The following SCFD2 variants were observed in gnomAD, a reference collection of about 807,000 sequenced individuals.
The protein encoded by SCFD2 is sec1 family domain-containing protein 2.
In SCFD2, 54 loss-of-function variants were observed where a neutral mutation model predicts 58.9. The observed-to-expected ratio is 0.92, with a 90% CI of 0.74 to 1.15. SCFD2 has a LOEUF of 1.15. Ranked by LOEUF, SCFD2 falls within the 50% of genes most tolerant of loss-of-function variation. The pLI is 0.00. For missense variants in SCFD2, 805 were observed against 836.6 expected (o/e 0.96, Z 0.47); for synonymous variants, 321 against 335.9 (o/e 0.96, Z 0.49).
intron 5 of SCFD2, among the ~76,000 whole-genome samples, chr4:53,126,936 C>T (rs2001881): frequency 0.079 from 12,051 of 152,026 alleles, 683 homozygotes; most frequent in East Asian, 0.24. Context: ...TTTTGCATTC[C>T]ATGTGTTGGC....
At chr4:53,181,538 C>A (rs375340779) in intron 4 of SCFD2, among the ~76,000 whole-genome samples, 2 of 152,162 alleles carry the variant, frequency 1.3e-5, no homozygotes, top group African/African-American at 2.4e-5. Flanking sequence ...AACAAACCCA[C>A]AGCCAATATC....
chr4:53,243,702 AAAAG>A (rs1225020879), intron 4 of SCFD2, among the ~76,000 whole-genome samples: 2 of 152,110 alleles, frequency 1.3e-5, no homozygotes, highest in African/African-American at 4.8e-5. Context: ...AAAGAAAAAA[AAAAG>A]AGAGAAAAAA....
chr4:53,248,335 G>A lies in SCFD2; in HGVS notation c.1311+25491C>T, dbSNP rs944439651. Reference sequence around the variant, plus strand: ...TGAGATCAAACTGCAAGGTGGCAGCGAGGATGGGGGAGGGGCGCCCGCCAT... The same window carrying A: ...TGAGATCAAACTGCAAGGTGGCAGCAAGGATGGGGGAGGGGCGCCCGCCAT... On this transcript the variant is annotated intron_variant, in intron 4 of 8. Transcript: ENST00000401642. Among the ~76,000 whole-genome samples the A allele has an allele frequency of 6.6e-5, 10 of 152,304 alleles. No individual in the cohort carries two copies. In the South Asian group the frequency reaches 8.3e-4, roughly 13 times the overall value.
intron 8 of SCFD2, among the ~76,000 whole-genome samples, chr4:52,881,324 C>G (rs958756612): frequency 6.6e-6 from 1 of 152,220 alleles, no homozygotes; most frequent in Non-Finnish European, 1.5e-5. Flanking sequence ...AGCTCCAAAG[C>G]CTTCTCCATG....
intron 5 of SCFD2, among the ~76,000 whole-genome samples, chr4:53,112,953 T>G (rs776949467): frequency 1.3e-4 from 20 of 152,026 alleles, no homozygotes; most frequent in Non-Finnish European, 2.6e-4. Context: ...AGATAAAATA[T>G]AAATATTATC....
chr4:53,292,415 A>G (rs150826731), intron 3 of SCFD2, among the ~76,000 whole-genome samples: 27,839 of 152,212 alleles, frequency 0.18, 3,191 homozygotes, highest in Admixed American at 0.28. Flanking sequence ...ATTTCTCAAA[A>G]GAAGACATAC....
intron 4 of SCFD2, among the ~76,000 whole-genome samples, chr4:53,180,956 A>C (rs1727530984): frequency 6.6e-6 from 1 of 152,232 alleles, no homozygotes; most frequent in African/African-American, 2.4e-5. Context: ...TAAACCAGGA[A>C]GAAGTTGAAT....
intron 2 of SCFD2, among the ~76,000 whole-genome samples, chr4:53,331,696 C>T (rs915775211): frequency 3.3e-5 from 5 of 152,070 alleles, no homozygotes; most frequent in African/African-American, 1.2e-4. Context: ...ACTAGAGAAG[C>T]AAGAGCAAAC....
At chr4:53,183,008 G>A (rs1156450223) in intron 4 of SCFD2, among the ~76,000 whole-genome samples, 2 of 152,196 alleles carry the variant, frequency 1.3e-5, no homozygotes, top group East Asian at 3.8e-4. Context: ...AACAACAGGT[G>A]CTGGAGAGGA....
chr4:53,044,489 A>ACTTCCTTCCTTCCTTCCTTC lies in SCFD2; in HGVS notation c.1561+100824_1561+100843dup, dbSNP rs536906756. On this transcript the variant is annotated intron_variant, in intron 5 of 8. Transcript: ENST00000401642. ...TTGGGGTTCCACATACTTTACAGGAACTTCCTTCCTTCCTTCCTTCCTTCC... is the reference window on the plus strand; with the variant it reads ...TTGGGGTTCCACATACTTTACAGGAACTTCCTTCCTTCCTTCCTTCCTTCCTTCCTTCCTTCCTTCCTTCC... Among the ~76,000 whole-genome samples the ACTTCCTTCCTTCCTTCCTTC allele has an allele frequency of 1.1e-4, 16 of 146,030 alleles. 1 individual carries two copies. Among genetic ancestry groups the ACTTCCTTCCTTCCTTCCTTC allele is most frequent in the African/African-American group, 3.8e-4 (15 of 39,624 alleles).
At chr4:53,218,950 G>T (rs1404098407) in intron 4 of SCFD2, among the ~76,000 whole-genome samples, 4 of 152,220 alleles carry the variant, frequency 2.6e-5, no homozygotes, top group African/African-American at 9.6e-5. Flanking sequence ...CTGCAGAACA[G>T]CGAATATTGC....
intron 4 of SCFD2, among the ~76,000 whole-genome samples, chr4:53,269,535 T>C (rs1300162003): frequency 1.3e-5 from 2 of 152,152 alleles, no homozygotes; most frequent in East Asian, 3.8e-4. Flanking sequence ...TCACTTACTA[T>C]TACTTATATT....
At chr4:53,163,136 A>C (rs986017065) in intron 4 of SCFD2, among the ~76,000 whole-genome samples, 7 of 152,216 alleles carry the variant, frequency 4.6e-5, no homozygotes, top group Non-Finnish European at 1.0e-4. Context: ...CCTCTCCTAC[A>C]AGAATCCCAG....
At chr4:53,298,328 C>T (rs1013042582) in intron 3 of SCFD2, among the ~76,000 whole-genome samples, 1 of 152,172 alleles carries the variant, frequency 6.6e-6, no homozygotes, top group Non-Finnish European at 1.5e-5. Flanking sequence ...GGTCCTATAC[C>T]CATGGAGCCT....
intron 4 of SCFD2, among the ~76,000 whole-genome samples, chr4:53,252,792 A>G (rs1441641386): frequency 6.6e-6 from 1 of 152,226 alleles, no homozygotes; most frequent in African/African-American, 2.4e-5. Context: ...ACCCTAGAAG[A>G]AAACCTAGGC....
intron 5 of SCFD2, among the ~76,000 whole-genome samples, chr4:53,076,232 T>C (rs988973523): frequency 3.3e-5 from 5 of 152,158 alleles, no homozygotes; most frequent in Non-Finnish European, 5.9e-5. Context: ...CCTTTTGGTC[T>C]TTTCTAAAGA....
chr4:53,217,810 C>T (rs1728902937), intron 4 of SCFD2, among the ~76,000 whole-genome samples: 1 of 152,086 alleles, frequency 6.6e-6, no homozygotes, highest in Non-Finnish European at 1.5e-5. Flanking sequence ...TTAGTGCTTC[C>T]TTCAGGAGCT....
At chr4:53,195,518 C>G (rs576337933) in intron 4 of SCFD2, among the ~76,000 whole-genome samples, 1 of 152,150 alleles carries the variant, frequency 6.6e-6, no homozygotes, top group Non-Finnish European at 1.5e-5. Context: ...TCCTACGGAT[C>G]CTGGTTTCAC....
intron 3 of SCFD2, among the ~76,000 whole-genome samples, chr4:53,291,152 AC>A (rs1731827121): frequency 6.6e-6 from 1 of 152,184 alleles, no homozygotes; most frequent in Non-Finnish European, 1.5e-5. Flanking sequence ...AGGAAAGAGA[AC>A]TGCAGGTCAA....
Sources: gnomAD v4.1 joint callset for allele counts (sites outside exome capture counted in the v4.1 genomes callset) on GRCh38, gnomAD v4.1.1 for gene constraint, MANE v1.5 for transcripts, NCBI Gene and HGNC (gene_info 2026-07-23, HGNC 2026-07-21) for gene names.